The following BRINP3 variants were observed in gnomAD, a reference collection of about 807,000 sequenced individuals.
BRINP3 encodes the protein BMP/retinoic acid inducible neural specific 3, also known as BMP/retinoic acid-inducible neural-specific protein 3.
A neutral mutation model predicts 71.0 loss-of-function variants in BRINP3; 19 were observed. The ratio of observed to expected loss-of-function variants is 0.27; its 90% CI spans 0.19 to 0.39. The LOEUF (loss-of-function observed/expected upper bound fraction) is 0.39. Ranked by LOEUF, BRINP3 falls within the 10% of genes least tolerant of loss-of-function variation. The pLI, the probability that BRINP3 is intolerant of heterozygous loss-of-function variation, is 1.00. For synonymous variants in BRINP3, 380 were observed against 337.7 expected (o/e 1.13, Z -1.37); for missense variants, 959 against 940.8 (o/e 1.02, Z -0.25).
At chr1:190,357,384 AT>A (rs769278505) in intron 2 of BRINP3, among the ~76,000 whole-genome samples, 69 of 151,996 alleles carry the variant, frequency 4.5e-4, no homozygotes, top group Admixed American at 1.6e-3. Context: ...TTCACTACTA[AT>A]TTCATTTACT....
intron 6 of BRINP3, among the ~76,000 whole-genome samples, chr1:190,222,586 A>G (rs1656990316): frequency 6.6e-6 from 1 of 151,986 alleles, no homozygotes; most frequent in Non-Finnish European, 1.5e-5. Flanking sequence ...AAAATACATA[A>G]GATCAACAAA....
At chr1:190,113,070 A>C (rs1652825788) in intron 7 of BRINP3, among the ~76,000 whole-genome samples, 1 of 152,184 alleles carries the variant, frequency 6.6e-6, no homozygotes, top group East Asian at 1.9e-4. Context: ...GATACTACAC[A>C]GTGTATATGC....
At chr1:190,381,086 C>T (rs1006882040) in intron 2 of BRINP3, among the ~76,000 whole-genome samples, 1 of 152,108 alleles carries the variant, frequency 6.6e-6, no homozygotes, top group African/African-American at 2.4e-5. Context: ...GAAGTCTAAA[C>T]TCCTGCAGGA....
chr1:190,329,971 T>TA (rs201997690), intron 2 of BRINP3, among the ~76,000 whole-genome samples: 49 of 150,488 alleles, frequency 3.3e-4, no homozygotes, highest in Admixed American at 4.7e-4. Context: ...CCATTCATCA[T>TA]AAAAAAAAAG....
At chr1:190,140,750 A>T (rs2102387237) in intron 7 of BRINP3, among the ~76,000 whole-genome samples, 1 of 152,340 alleles carries the variant, frequency 6.6e-6, no homozygotes, top group South Asian at 2.1e-4. Flanking sequence ...CAAGGATACC[A>T]AAATTAGCAT....
intron 1 of BRINP3, among the ~76,000 whole-genome samples, chr1:190,455,412 G>A (rs929923309): frequency 6.6e-6 from 1 of 151,832 alleles, no homozygotes; most frequent in African/African-American, 2.4e-5. Context: ...ACATAAACAC[G>A]GAGTAAAACT....
chr1:190,266,101 A>C (rs1661638177), intron 3 of BRINP3, among the ~76,000 whole-genome samples: 1 of 152,200 alleles, frequency 6.6e-6, no homozygotes, highest in Non-Finnish European at 1.5e-5. Context: ...TCCTCCGACA[A>C]ACATATTATC....
intron 2 of BRINP3, among the ~76,000 whole-genome samples, chr1:190,292,493 T>TA (rs1214654822): frequency 3.3e-5 from 5 of 151,750 alleles, no homozygotes; most frequent in African/African-American, 4.8e-5. Flanking sequence ...TACAAAAAAA[T>TA]AAAAAATAGC....
chr1:190,314,149 A>G (rs1665723472), intron 2 of BRINP3, among the ~76,000 whole-genome samples: 1 of 152,074 alleles, frequency 6.6e-6, no homozygotes, highest in African/African-American at 2.4e-5. Flanking sequence ...ATAGACCTTG[A>G]TGTCTATCAA....
intron 2 of BRINP3, among the ~76,000 whole-genome samples, chr1:190,410,316 T>G (rs1302523474): frequency 6.6e-6 from 1 of 152,152 alleles, no homozygotes; most frequent in Non-Finnish European, 1.5e-5. Flanking sequence ...ATGAATATTA[T>G]TGCCTGTCAT....
chr1:190,468,198 T>C (rs978673445), intron 1 of BRINP3, among the ~76,000 whole-genome samples: 8 of 151,346 alleles, frequency 5.3e-5, no homozygotes, highest in African/African-American at 1.9e-4. Flanking sequence ...AGGAAAGCAT[T>C]TCAAAATTAT....
intron 2 of BRINP3, among the ~76,000 whole-genome samples, chr1:190,453,203 ATTTTTTTTTTTTTTTTT>A (rs1190785225): frequency 0.032 from 1,303 of 41,020 alleles, 39 homozygotes; most frequent in African/African-American, 0.07. Flanking sequence ...AAACTTTAGT[ATTTTTTTTTTTTTTTTT>A]TTTTTTTTTT....
Position 190,350,422 on chromosome 1 carries a change from A to G in BRINP3, c.237-68672T>C, listed in dbSNP as rs539715124. Among the ~76,000 whole-genome samples, 6 of 152,222 alleles carry G rather than the reference A, an allele frequency of 3.9e-5. No homozygotes were observed. In the South Asian group the frequency reaches 8.3e-4, roughly 21 times the overall value. On this transcript the variant is annotated intron_variant, in intron 2 of 7. Transcript: ENST00000367462. The stretch of plus-strand genomic sequence containing the variant: ...AACATTCTTCATTTTGATGCTTGGA[A>G]TAATATTATTCCAGCCAGAGCTCCA...
chr1:190,361,305 T>C (rs1411521768), intron 2 of BRINP3, among the ~76,000 whole-genome samples: 1 of 152,050 alleles, frequency 6.6e-6, no homozygotes, highest in East Asian at 1.9e-4. Flanking sequence ...AGATTAGAGA[T>C]ATCAGGAGCC....
intron 2 of BRINP3, among the ~76,000 whole-genome samples, chr1:190,448,715 G>C (rs1165142348): frequency 1.3e-5 from 2 of 151,504 alleles, no homozygotes; most frequent in Non-Finnish European, 3.0e-5. Flanking sequence ...TTTTAAGTCT[G>C]ATTATGATAA....
intron 2 of BRINP3, among the ~76,000 whole-genome samples, chr1:190,397,610 C>T (rs1214789447): frequency 1.3e-5 from 2 of 151,936 alleles, no homozygotes; most frequent in Non-Finnish European, 2.9e-5. Flanking sequence ...CTAAATTTTG[C>T]ATTCCCTGAA....
At chr1:190,459,314 T>C (rs1225290614) in intron 1 of BRINP3, among the ~76,000 whole-genome samples, 1 of 151,746 alleles carries the variant, frequency 6.6e-6, no homozygotes, top group African/African-American at 2.4e-5. Context: ...GTATAATATA[T>C]AGTCTAAATA....
chr1:190,448,724 A>C (rs1675404353), intron 2 of BRINP3, among the ~76,000 whole-genome samples: 1 of 151,778 alleles, frequency 6.6e-6, no homozygotes, highest in Non-Finnish European at 1.5e-5. Flanking sequence ...TGATTATGAT[A>C]ATTATTTTTA....
Position 190,152,548 on chromosome 1 carries a change from C to T in BRINP3, c.1184+8120G>A, listed in dbSNP as rs917687145. 4.9e-4 allele frequency among the ~76,000 whole-genome samples: 70 copies of T among 141,520 alleles called. 1 individual carries two copies. The highest frequency in any genetic ancestry group is 7.0e-3 in the Middle Eastern group (2 of 284). 92.8% of individuals were successfully genotyped at this position (141,520 alleles called of 152,430 possible). ...CTCCCCCAACCCCCCCCCCGCCCCC[C>T]AAAAAAGCAAAGCCTTTTGACTCTG... On this transcript the variant is annotated intron_variant, in intron 7 of 7. Transcript: ENST00000367462.
Sources: gnomAD v4.1 joint callset for allele counts (sites outside exome capture counted in the v4.1 genomes callset) on GRCh38, gnomAD v4.1.1 for gene constraint, MANE v1.5 for transcripts, NCBI Gene and HGNC (gene_info 2026-07-23, HGNC 2026-07-21) for gene names.